The following DAD1 variants were observed in gnomAD, a reference collection of about 807,000 sequenced individuals.
DAD1 encodes the protein defender against cell death 1, also known as dolichyl-diphosphooligosaccharide--protein glycosyltransferase subunit DAD1.
A neutral mutation model predicts 9.0 loss-of-function variants in DAD1; 4 were observed. The observed-to-expected ratio is 0.44, with a 90% CI of 0.22 to 1.01. The LOEUF (loss-of-function observed/expected upper bound fraction) is 1.01. DAD1 is among the 50% of genes least tolerant of loss of function. The probability of loss-of-function intolerance (pLI) is 0.24; values close to 1 mark genes in which losing one functional copy is unlikely to be tolerated. For missense variants in DAD1, 119 were observed against 137.3 expected, an observed-to-expected ratio of 0.87 and a Z score of 0.67; for synonymous variants, 60 against 62.5, an observed-to-expected ratio of 0.96 and a Z score of 0.19.
At chr14:22,570,015 G>C (rs2037027550) in intron 2 of DAD1, among the ~76,000 whole-genome samples, 1 of 152,100 alleles carries the variant, frequency 6.6e-6, no homozygotes, top group East Asian at 1.9e-4. Context: ...AGAAAAATGA[G>C]TTGAAAAAAG....
At chr14:22,581,486 A>T (rs947373572) in intron 1 of DAD1, among the ~76,000 whole-genome samples, 14 of 152,256 alleles carry the variant, frequency 9.2e-5, no homozygotes, top group African/African-American at 3.4e-4. Flanking sequence ...TCACACCCGT[A>T]ATCCCAGCAC....
intron 2 of DAD1, among the ~76,000 whole-genome samples, chr14:22,566,802 C>T (rs5742857): frequency 0.11 from 16,202 of 152,182 alleles, 890 homozygotes; most frequent in South Asian, 0.17. Flanking sequence ...GGCCAGTCCA[C>T]GTGAAAGGCA....
intron 2 of DAD1, among the ~76,000 whole-genome samples, chr14:22,572,073 T>C (rs1317084796): frequency 1.3e-5 from 2 of 152,150 alleles, no homozygotes; most frequent in African/African-American, 4.8e-5. Flanking sequence ...CATTATCTGT[T>C]AACTTCCTTA....
intron 1 of DAD1, among the ~76,000 whole-genome samples, chr14:22,575,458 T>C (rs1467158878): frequency 2.0e-5 from 3 of 152,060 alleles, no homozygotes; most frequent in South Asian, 2.1e-4. Context: ...ATACAAACAA[T>C]AGAATATTAT....
chr14:22,565,447 C>CT (rs2036996561), intron 2 of DAD1, among the ~76,000 whole-genome samples: 1 of 126,064 alleles, frequency 7.9e-6, no homozygotes, highest in Non-Finnish European at 1.6e-5. Context: ...ACATAAGTCA[C>CT]TGACTTCCCT....
intron 1 of DAD1, among the ~76,000 whole-genome samples, chr14:22,582,775 G>A (rs1233371545): frequency 6.6e-6 from 1 of 152,212 alleles, no homozygotes; most frequent in African/African-American, 2.4e-5. Context: ...GGAGGCCGAG[G>A]TGGGTGAATC....
At chr14:22,571,588 A>ATAGATACAT (rs990468964) in intron 2 of DAD1, among the ~76,000 whole-genome samples, 2 of 147,438 alleles carry the variant, frequency 1.4e-5, no homozygotes, top group African/African-American at 5.0e-5. Context: ...GATCACCTGG[A>ATAGATACAT]TAGATACATT....
chr14:22,588,730 T>C lies in DAD1; in HGVS notation c.211+217A>G, dbSNP rs562879364. Among the ~76,000 whole-genome samples the C allele has an allele frequency of 4.6e-5, 7 of 152,308 alleles. No homozygotes were observed. The South Asian group carries it at 8.3e-4, about 18-fold the overall frequency. On this transcript the variant is annotated intron_variant, in intron 1 of 2. Coordinates refer to ENST00000250498, the MANE Select transcript of DAD1 (RefSeq NM_001344.4). ...AAGTGGAGTAGCGGCACGAAGGTGG[T>C]TTCTTTAGACTTTTAAGTCCAACTC...
intron 1 of DAD1, 68 bp downstream of exon 1, chr14:22,588,879 T>G (rs2037172112): frequency 6.6e-7 from 1 of 1,505,252 alleles, no homozygotes; most frequent in South Asian, 1.2e-5. Context: ...TGATATAGAG[T>G]ACTATGAAAA....
chr14:22,587,482 TG>T (rs1217937800), intron 1 of DAD1, among the ~76,000 whole-genome samples: 2 of 152,156 alleles, frequency 1.3e-5, no homozygotes, highest in Non-Finnish European at 2.9e-5. Context: ...GTAGTGTATC[TG>T]GTCGGATGAT....
intron 1 of DAD1, among the ~76,000 whole-genome samples, chr14:22,578,367 C>A (rs531770133): frequency 9.9e-5 from 15 of 152,174 alleles, no homozygotes; most frequent in Non-Finnish European, 2.2e-4. Context: ...GAGTTCAAGA[C>A]CAGCCTGGCC....
chr14:22,581,692 G>A (rs866102311), intron 1 of DAD1, among the ~76,000 whole-genome samples: 3 of 135,466 alleles, frequency 2.2e-5, no homozygotes, highest in Non-Finnish European at 3.0e-5. Flanking sequence ...GCAGTAAGCC[G>A]AGATCGTGCC....
At chr14:22,574,553 T>C (rs1265322277) in intron 2 of DAD1, among the ~76,000 whole-genome samples, 1 of 152,208 alleles carries the variant, frequency 6.6e-6, no homozygotes, top group East Asian at 1.9e-4. Context: ...TATTTTAAAG[T>C]CTTCTCCCAA....
At chr14:22,583,888 T>C (rs2037134953) in intron 1 of DAD1, among the ~76,000 whole-genome samples, 1 of 152,040 alleles carries the variant, frequency 6.6e-6, no homozygotes, top group East Asian at 1.9e-4. Flanking sequence ...TTCTTTTTTT[T>C]AGTGAAAAAA....
At position 22,565,080 on chromosome 14, in the gene DAD1, A is replaced by G. The variant is rs1270489221; in HGVS notation, c.*102T>C. The G allele has an allele frequency of 1.4e-6, 1 of 701,738 alleles. No homozygotes were observed. The highest frequency in any genetic ancestry group is 2.6e-6 in the Non-Finnish European group (1 of 384,610). The allele number at this position is 701,738 out of a possible 1,614,324, so 43.5% of individuals were successfully genotyped here. ...GTAAGTGCAAATCTGAAGAAAATCC[A>G]TGTGTCCAATAAGCTGCCATCTCCA... On this transcript the variant is annotated 3_prime_UTR_variant, in exon 3 of 3. Coordinates refer to ENST00000250498, the MANE Select transcript of DAD1 (RefSeq NM_001344.4).
chr14:22,580,146 G>T (rs1430597259), intron 1 of DAD1, among the ~76,000 whole-genome samples: 1 of 152,068 alleles, frequency 6.6e-6, no homozygotes, highest in Non-Finnish European at 1.5e-5. Flanking sequence ...GCCAGGGCAT[G>T]GTGGCTCACA....
chr14:22,567,036 CT>C, intron 2 of DAD1: 1 of 152,298 alleles, frequency 6.6e-6, no homozygotes, highest in South Asian at 2.1e-4. Flanking sequence ...AGGAAACTGA[CT>C]AATAAAATCT....
At chr14:22,572,577 C>T (rs2037048671) in intron 2 of DAD1, among the ~76,000 whole-genome samples, 1 of 152,028 alleles carries the variant, frequency 6.6e-6, no homozygotes, top group Non-Finnish European at 1.5e-5. Context: ...GCAGGTGGTC[C>T]TAGGTTGTTA....
intron 2 of DAD1, among the ~76,000 whole-genome samples, chr14:22,566,870 C>T (rs2139234423): frequency 6.6e-6 from 1 of 152,324 alleles, no homozygotes; most frequent in East Asian, 1.9e-4. Flanking sequence ...ATTCTGTTTA[C>T]AAAGATCTGC....
Sources: gnomAD v4.1 joint callset for allele counts (sites outside exome capture counted in the v4.1 genomes callset) on GRCh38, gnomAD v4.1.1 for gene constraint, MANE v1.5 for transcripts, NCBI Gene and HGNC (gene_info 2026-07-23, HGNC 2026-07-21) for gene names.